Variants in LYPD6B observed in about 807,000 individuals in gnomAD.
LYPD6B encodes the protein LY6/PLAUR domain containing 6B, also known as ly6/PLAUR domain-containing protein 6B.
LYPD6B carries 17 observed loss-of-function variants against 22.8 expected under a neutral mutation model. The observed-to-expected ratio is 0.75, with a 90% CI of 0.51 to 1.12. The LOEUF is 1.12. LYPD6B is among the 50% of genes most tolerant of loss of function. The pLI is 0.00. For synonymous variants in LYPD6B, 106 were observed against 91.6 expected (o/e 1.16, Z -0.90); for missense variants, 221 against 258.3 (o/e 0.86, Z 0.99).
At chr2:149,150,593 C>T (rs79571201) in intron 2 of LYPD6B, among the ~76,000 whole-genome samples, 1 of 141,448 alleles carries the variant, frequency 7.1e-6, no homozygotes, top group South Asian at 2.4e-4. Flanking sequence ...GTAATTTTTT[C>T]CCCTTCTTCT....
At position 149,192,299 on chromosome 2, in the gene LYPD6B, G is replaced by C. The variant is rs544527096; in HGVS notation, c.78-12954G>C. ...CCTAACGACATATTTTTGTCGGGAAGAAACTAAGAGAAGTGGCTTCCTTTT... is the reference window on the plus strand; with the variant it reads ...CCTAACGACATATTTTTGTCGGGAACAAACTAAGAGAAGTGGCTTCCTTTT... On this transcript the variant is annotated intron_variant, in intron 3 of 6. Coordinates refer to ENST00000409642, the MANE Select transcript of LYPD6B (RefSeq NM_177964.5). Among the ~76,000 whole-genome samples, 15 of 152,192 alleles carry C rather than the reference G, an allele frequency of 9.9e-5. 1 individual carries two copies. Among genetic ancestry groups the C allele is most frequent in the African/African-American group, 3.6e-4 (15 of 41,536 alleles).
intron 1 of LYPD6B, among the ~76,000 whole-genome samples, chr2:149,070,402 T>A (rs1490253012): frequency 6.6e-6 from 1 of 152,200 alleles, no homozygotes; most frequent in African/African-American, 2.4e-5. Context: ...ATTTTTCTTC[T>A]CTTTAGCGCT....
In LYPD6B at chr2:149,088,376, C is replaced by G. The variant is rs977017438; in HGVS notation, c.-66-42507C>G. On this transcript the variant is annotated intron_variant, in intron 1 of 6. Coordinates refer to ENST00000409642, the MANE Select transcript of LYPD6B (RefSeq NM_177964.5). Reference sequence around the variant, plus strand: ...TTAGGCTGGCAGGGGGAGGAAAACCCAAACAGATACCTTCATATCATACAT... The same window carrying G: ...TTAGGCTGGCAGGGGGAGGAAAACCGAAACAGATACCTTCATATCATACAT... Among the ~76,000 whole-genome samples the G allele has an allele frequency of 2.0e-5, 3 of 152,126 alleles. No individual in the cohort carries two copies. The East Asian group carries it at 5.8e-4, about 29-fold the overall frequency.
chr2:149,066,894 A>G (rs534498344), intron 1 of LYPD6B, among the ~76,000 whole-genome samples: 1 of 152,176 alleles, frequency 6.6e-6, no homozygotes, highest in South Asian at 2.1e-4. Flanking sequence ...TTTGGGGTAC[A>G]ATTGATCTTG....
intron 1 of LYPD6B, among the ~76,000 whole-genome samples, chr2:149,108,925 G>A (rs1291817601): frequency 6.6e-6 from 1 of 152,002 alleles, no homozygotes; most frequent in Non-Finnish European, 1.5e-5. Context: ...ACCTTAAAGT[G>A]ATATTATTTC....
intron 1 of LYPD6B, among the ~76,000 whole-genome samples, chr2:149,072,016 C>T (rs1475028839): frequency 6.6e-6 from 1 of 152,172 alleles, no homozygotes; most frequent in Non-Finnish European, 1.5e-5. Context: ...ACTACAACCT[C>T]TGCCTCCCAG....
intron 1 of LYPD6B, among the ~76,000 whole-genome samples, chr2:149,040,521 C>G (rs547240037): frequency 6.6e-6 from 1 of 152,068 alleles, no homozygotes; most frequent in Non-Finnish European, 1.5e-5. Context: ...CCACTGCACC[C>G]GGCCCCTTAT....
chr2:149,160,668 A>G lies in LYPD6B; in HGVS notation c.6-96A>G, dbSNP rs576211995. ...TATTCTGAAACATCTCCAAACATCC[A>G]GAAACCTGCCTTTTGTTAGAAAACA... On this transcript the variant is annotated intron_variant, in intron 2 of 6. Coordinates refer to ENST00000409642, the MANE Select transcript of LYPD6B (RefSeq NM_177964.5). The G allele has an allele frequency of 1.0e-5, 9 of 862,192 alleles. No homozygotes were observed. In the Admixed American group the frequency reaches 1.6e-4, roughly 16 times the overall value. The allele number at this position is 862,192 out of a possible 1,614,324, so 53.4% of individuals were successfully genotyped here. A position where few individuals can be genotyped will look rare whatever the true frequency, so the allele number is the denominator to read the frequency against.
chr2:149,065,823 C>T (rs965346731), intron 1 of LYPD6B, among the ~76,000 whole-genome samples: 2 of 152,182 alleles, frequency 1.3e-5, no homozygotes, highest in East Asian at 1.9e-4. Flanking sequence ...GTCCTCTTGC[C>T]TCAGCCTCCC....
intron 2 of LYPD6B, among the ~76,000 whole-genome samples, chr2:149,156,920 C>T (rs952108035): frequency 2.0e-5 from 3 of 152,080 alleles, no homozygotes; most frequent in Non-Finnish European, 4.4e-5. Context: ...GCTAATGGGA[C>T]TATTTTAGGG....
At chr2:149,073,734 G>A (rs1004279701) in intron 1 of LYPD6B, among the ~76,000 whole-genome samples, 2 of 151,958 alleles carry the variant, frequency 1.3e-5, no homozygotes, top group Non-Finnish European at 1.5e-5. Flanking sequence ...CTGGACCATC[G>A]CCAAAACTCT....
chr2:149,214,503 T>C, intron 6 of LYPD6B, 43 bp from the exon 7 acceptor site: 1 of 1,592,130 alleles, frequency 6.3e-7, no homozygotes, highest in Non-Finnish European at 8.6e-7. Context: ...CCCTTCCCTC[T>C]TCTATTATTC....
intron 4 of LYPD6B, among the ~76,000 whole-genome samples, chr2:149,207,806 C>T (rs62188656): frequency 0.036 from 5,530 of 152,168 alleles, 143 homozygotes; most frequent in Middle Eastern, 0.085. Flanking sequence ...CTTGCAACTT[C>T]CCATTTAATC....
intron 1 of LYPD6B, among the ~76,000 whole-genome samples, chr2:149,128,410 T>C (rs543459222): frequency 5.3e-5 from 8 of 152,376 alleles, no homozygotes; most frequent in Admixed American, 2.6e-4. Context: ...AGGGATACTT[T>C]CTGAAAACTG....
At chr2:149,075,649 T>G (rs1684847132) in intron 1 of LYPD6B, among the ~76,000 whole-genome samples, 1 of 152,210 alleles carries the variant, frequency 6.6e-6, no homozygotes, top group Non-Finnish European at 1.5e-5. Context: ...CTATAACTAA[T>G]GTGCATAGTT....
chr2:149,177,835 GT>G (rs35470511), intron 3 of LYPD6B, among the ~76,000 whole-genome samples: 19,947 of 131,690 alleles, frequency 0.15, 1,103 homozygotes, highest in Admixed American at 0.21. Context: ...TTCTGCAAGA[GT>G]TTTTTTTTTT....
At chr2:149,175,163 A>G (rs781259593) in intron 3 of LYPD6B, among the ~76,000 whole-genome samples, 34 of 151,744 alleles carry the variant, frequency 2.2e-4, no homozygotes, top group Middle Eastern at 3.2e-3. Flanking sequence ...TGCAAACATC[A>G]TAGAGTGCAC....
At chr2:149,168,716 C>T (rs571279083) in intron 3 of LYPD6B, among the ~76,000 whole-genome samples, 1 of 152,334 alleles carries the variant, frequency 6.6e-6, no homozygotes, top group African/African-American at 2.4e-5. Context: ...TGTGGTGCCA[C>T]CAGATAGACA....
intron 1 of LYPD6B, among the ~76,000 whole-genome samples, chr2:149,125,807 C>T (rs575832201): frequency 5.6e-4 from 85 of 152,220 alleles, no homozygotes; most frequent in Non-Finnish European, 9.0e-4. Context: ...ACCTATATAC[C>T]AACTTTTCTA....
Sources: allele counts gnomAD v4.1 joint callset (sites outside exome capture counted in the v4.1 genomes callset), GRCh38; gene constraint gnomAD v4.1.1; transcripts MANE v1.5; gene names NCBI Gene and HGNC (gene_info 2026-07-23, HGNC 2026-07-21).